Variants in MSI2 observed in about 807,000 individuals in gnomAD.
MSI2 encodes the protein musashi RNA binding protein 2.
MSI2 carries 17 observed loss-of-function variants against 45.6 expected under a neutral mutation model. The observed-to-expected ratio is 0.37, with a 90% CI of 0.26 to 0.56. MSI2 has a LOEUF of 0.56. MSI2 is among the 20% of genes least tolerant of loss of function. The pLI is 0.77. For missense variants in MSI2, 293 were observed against 444.2 expected (o/e 0.66, Z 3.06); for synonymous variants, 156 against 158.2 (o/e 0.99, Z 0.11).
At position 57,578,903 on chromosome 17, in the gene MSI2, T is replaced by C. The variant is rs527583307; in HGVS notation, c.455-17965T>C. Among the ~76,000 whole-genome samples the C allele has an allele frequency of 4.6e-5, 7 of 152,292 alleles. No individual in the cohort carries two copies. The South Asian group carries it at 8.3e-4, about 18-fold the overall frequency. ...CCATCTTTTCAGCCCAGGTACATTTTTCCCATTGTAAACAGAAAATGGCAT... is the reference window on the plus strand; with the variant it reads ...CCATCTTTTCAGCCCAGGTACATTTCTCCCATTGTAAACAGAAAATGGCAT... On this transcript the variant is annotated intron_variant, in intron 7 of 13. Transcript: ENST00000284073.
chr17:57,501,919 A>G (rs2086115046), intron 6 of MSI2, among the ~76,000 whole-genome samples: 1 of 152,186 alleles, frequency 6.6e-6, no homozygotes, highest in African/African-American at 2.4e-5. Context: ...GTCTATTTCA[A>G]TTTTTGAAAC....
At chr17:57,263,930 A>G (rs1052957670) in intron 5 of MSI2, 2 of 152,152 alleles carry the variant, frequency 1.3e-5, no homozygotes, top group African/African-American at 4.8e-5. Flanking sequence ...TGTATGACAT[A>G]CTTCACTTTA....
At chr17:57,480,564 C>A (rs1213739376) in intron 6 of MSI2, among the ~76,000 whole-genome samples, 1 of 152,162 alleles carries the variant, frequency 6.6e-6, no homozygotes, top group Non-Finnish European at 1.5e-5. Context: ...GTAATATATT[C>A]AGAATTTCAA....
chr17:57,643,669 C>G (rs17834801), intron 10 of MSI2, among the ~76,000 whole-genome samples: 6,425 of 152,358 alleles, frequency 0.042, 185 homozygotes, highest in Non-Finnish European at 0.062. Flanking sequence ...TCAGAGGTGT[C>G]CTGACAGAAA....
intron 7 of MSI2, among the ~76,000 whole-genome samples, chr17:57,575,153 C>G (rs1050284092): frequency 1.4e-5 from 2 of 138,546 alleles, no homozygotes; most frequent in African/African-American, 5.6e-5. Flanking sequence ...TAACTCCCTC[C>G]CCCCGCCACC....
At chr17:57,622,557 G>A (rs1454975319) in intron 9 of MSI2, among the ~76,000 whole-genome samples, 1 of 152,100 alleles carries the variant, frequency 6.6e-6, no homozygotes, top group Non-Finnish European at 1.5e-5. Context: ...GCTAAAGCAC[G>A]TTAGCCAAAA....
chr17:57,585,049 C>A (rs2088309622), intron 7 of MSI2, among the ~76,000 whole-genome samples: 1 of 152,060 alleles, frequency 6.6e-6, no homozygotes, highest in African/African-American at 2.4e-5. Flanking sequence ...AACTCCTGAC[C>A]TCAAGTGATC....
intron 7 of MSI2, chr17:57,532,329 A>G (rs950661172): frequency 6.6e-6 from 1 of 152,254 alleles, no homozygotes; most frequent in African/African-American, 2.4e-5. Flanking sequence ...TCAGCAGGGA[A>G]GAGCCGCCAT....
At chr17:57,466,629 A>G (rs1330410984) in intron 6 of MSI2, among the ~76,000 whole-genome samples, 1 of 152,186 alleles carries the variant, frequency 6.6e-6, no homozygotes, top group Non-Finnish European at 1.5e-5. Context: ...GGATTTGCAG[A>G]CTAGAAAGAG....
chr17:57,624,500 T>C (rs1283321707), intron 9 of MSI2, among the ~76,000 whole-genome samples: 1 of 152,242 alleles, frequency 6.6e-6, no homozygotes, highest in Non-Finnish European at 1.5e-5. Flanking sequence ...CCTTTGCTGT[T>C]CTTCCTTCCT....
At chr17:57,292,100 G>C (rs1910472506) in intron 5 of MSI2, among the ~76,000 whole-genome samples, 1 of 152,102 alleles carries the variant, frequency 6.6e-6, no homozygotes, top group African/African-American at 2.4e-5. Context: ...TAGAGGAGGG[G>C]ACGCATTCAC....
intron 7 of MSI2, among the ~76,000 whole-genome samples, chr17:57,576,484 A>T (rs537618484): frequency 9.0e-4 from 137 of 152,320 alleles, no homozygotes; most frequent in African/African-American, 3.0e-3. Context: ...GGCTGGGTGC[A>T]GTGGCCCACA....
intron 6 of MSI2, among the ~76,000 whole-genome samples, chr17:57,411,131 A>T (rs1328002914): frequency 3.9e-5 from 6 of 152,098 alleles, no homozygotes; most frequent in African/African-American, 1.4e-4. Flanking sequence ...CAGCCTCCCA[A>T]GTAGCTAGGA....
chr17:57,578,142 G>A (rs185572629), intron 7 of MSI2, among the ~76,000 whole-genome samples: 1 of 152,178 alleles, frequency 6.6e-6, no homozygotes, highest in Admixed American at 6.5e-5. Flanking sequence ...ATCTGCAGGG[G>A]GAAGACAAAT....
chr17:57,669,881 A>C (rs1344013845), intron 11 of MSI2, among the ~76,000 whole-genome samples: 3 of 152,208 alleles, frequency 2.0e-5, no homozygotes, highest in Non-Finnish European at 4.4e-5. Flanking sequence ...GAAATGTACC[A>C]GGGGCCACTG....
chr17:57,676,466 G>C (rs16942160), intron 12 of MSI2, among the ~76,000 whole-genome samples: 1 of 152,130 alleles, frequency 6.6e-6, no homozygotes, highest in Non-Finnish European at 1.5e-5. Context: ...TTAGGGGACC[G>C]TCTATCACCA....
At chr17:57,328,263 T>TATCCATCC (rs3058093) in intron 5 of MSI2, among the ~76,000 whole-genome samples, 14 of 150,694 alleles carry the variant, frequency 9.3e-5, no homozygotes, top group Admixed American at 4.0e-4. Context: ...TGTATTCATC[T>TATCCATCC]ATCCATCCAT....
chr17:57,646,376 A>C (rs1910659070), intron 10 of MSI2, among the ~76,000 whole-genome samples: 1 of 152,242 alleles, frequency 6.6e-6, no homozygotes. Flanking sequence ...CAAAAAGTCC[A>C]GCAAAGTGTC....
At chr17:57,454,891 G>A (rs182935770) in intron 6 of MSI2, among the ~76,000 whole-genome samples, 120 of 152,306 alleles carry the variant, frequency 7.9e-4, no homozygotes, top group African/African-American at 2.6e-3. Context: ...GAGGGGTGCC[G>A]CTAGCATCAT....
Sources: gnomAD v4.1 joint callset for allele counts (sites outside exome capture counted in the v4.1 genomes callset) on GRCh38, gnomAD v4.1.1 for gene constraint, MANE v1.5 for transcripts, NCBI Gene and HGNC (gene_info 2026-07-23, HGNC 2026-07-21) for gene names.